Variants in NLGN4X observed in about 807,000 individuals in gnomAD.
NLGN4X encodes neuroligin 4 X-linked.
NLGN4X carries 3 observed loss-of-function variants against 40.3 expected under a neutral mutation model. The observed-to-expected ratio is 0.07, with a 90% CI of 0.03 to 0.19. The LOEUF (loss-of-function observed/expected upper bound fraction) is 0.19, where lower values mean the gene tolerates loss of function less well. Ranked by LOEUF, NLGN4X falls within the 10% of genes least tolerant of loss-of-function variation. The pLI, the probability that NLGN4X is intolerant of heterozygous loss-of-function variation, is 1.00. For missense variants in NLGN4X, 382 were observed against 708.3 expected (o/e 0.54, Z 5.23); for synonymous variants, 270 against 306.8 (o/e 0.88, Z 1.25).
At chrX:6,150,942 C>T (rs2040150447) in intron 2 of NLGN4X, 53 bp downstream of exon 2, 1 of 1,014,301 alleles carries the variant, frequency 9.9e-7, no homozygotes, top group South Asian at 1.9e-5. Context: ...CCTAGCAAAT[C>T]TCTCTACACA....
chrX:6,208,284 G>C (rs868307039), intron 1 of NLGN4X, among the ~76,000 whole-genome samples: 1 of 112,003 alleles, frequency 8.9e-6, no homozygotes, highest in African/African-American at 3.2e-5. Context: ...GCTGCATTTC[G>C]TTCTGCACTT....
At chrX:6,206,054 C>G (rs1924007777) in intron 1 of NLGN4X, among the ~76,000 whole-genome samples, 1 of 111,837 alleles carries the variant, frequency 8.9e-6, no homozygotes, top group Non-Finnish European at 1.9e-5. Flanking sequence ...ACAGGTCCAA[C>G]TCACTCATTT....
At chrX:6,228,093 A>G (rs984479101) in intron 1 of NLGN4X, among the ~76,000 whole-genome samples, 3 of 110,086 alleles carry the variant, frequency 2.7e-5, no homozygotes, top group Non-Finnish European at 3.8e-5. Flanking sequence ...GCAGATACAT[A>G]TATATTTTTT....
intron 3 of NLGN4X, among the ~76,000 whole-genome samples, chrX:5,931,065 T>C (rs1247859645): frequency 4.5e-5 from 5 of 111,888 alleles, no homozygotes; most frequent in African/African-American, 1.6e-4. Context: ...TTTGTTTTAA[T>C]ACACCACAAA....
rs752188568 is a variant in NLGN4X, at chrX:6,012,848, G to A, written c.625+16432C>T. On this transcript the variant is annotated intron_variant, in intron 3 of 5. Transcript: ENST00000381095. The stretch of plus-strand genomic sequence containing the variant: ...CAGGGAAAGGCAGCCCTGCCAACAC[G>A]TTTATTTTGAACATCTGGTTTCCCA... Among the ~76,000 whole-genome samples the A allele has an allele frequency of 5.4e-5, 6 of 111,478 alleles. No individual in the cohort carries two copies. The South Asian group carries it at 1.2e-3, about 21-fold the overall frequency.
chrX:6,076,041 C>G (rs757655578), intron 2 of NLGN4X, among the ~76,000 whole-genome samples: 1 of 111,638 alleles, frequency 9.0e-6, no homozygotes, highest in South Asian at 3.8e-4. Flanking sequence ...TTTTCCCACA[C>G]TTTATTTGTC....
chrX:6,112,832 C>T (rs914882344), intron 2 of NLGN4X, among the ~76,000 whole-genome samples: 2 of 110,238 alleles, frequency 1.8e-5, no homozygotes, highest in African/African-American at 6.6e-5. Context: ...GGAGGACGAA[C>T]GTGATACTGG....
intron 3 of NLGN4X, among the ~76,000 whole-genome samples, chrX:5,925,897 T>G (rs9699007): frequency 1.0e-4 from 2 of 19,145 alleles, no homozygotes; most frequent in African/African-American, 4.9e-4. Flanking sequence ...TATATATATA[T>G]ATATATATAT....
chrX:6,144,357 A>C (rs1440930954), intron 2 of NLGN4X, among the ~76,000 whole-genome samples: 1 of 111,388 alleles, frequency 9.0e-6, no homozygotes, highest in Non-Finnish European at 1.9e-5. Context: ...GTAATACTTC[A>C]TTATGAATTT....
At chrX:5,925,881 C>CATAT (rs55860509) in intron 3 of NLGN4X, among the ~76,000 whole-genome samples, 107 of 19,396 alleles carry the variant, frequency 5.5e-3, no homozygotes, top group East Asian at 0.029. Context: ...TACATACACA[C>CATAT]ATATATATAT....
At position 6,218,474 on chromosome X, in the gene NLGN4X, C is replaced by CTACACACA. The variant is rs1556012458; in HGVS notation, c.-306+10066_-306+10067insTGTGTGTA. 5.5e-3 allele frequency among the ~76,000 whole-genome samples: 259 copies of CTACACACA among 46,981 alleles called. 1 individual carries two copies. Among genetic ancestry groups the CTACACACA allele is most frequent in the Middle Eastern group, 0.039 (4 of 103 alleles). 40.8% of individuals were successfully genotyped at this position (46,981 alleles called of 115,157 possible). ...TGAAATAGGACATGAGAGATTAAAC[C>CTACACACA]CACACACACACACACACACACACAC... On this transcript the variant is annotated intron_variant, in intron 1 of 5. Coordinates refer to ENST00000381095, the MANE Select transcript of NLGN4X (RefSeq NM_181332.3).
intron 2 of NLGN4X, among the ~76,000 whole-genome samples, chrX:6,066,564 T>C (rs771635333): frequency 9.1e-6 from 1 of 110,326 alleles, no homozygotes; most frequent in African/African-American, 3.3e-5. Context: ...GGCAGGCGGA[T>C]CATGAGGTCA....
chrX:6,182,364 A>T (rs1452933869), intron 1 of NLGN4X, among the ~76,000 whole-genome samples: 2 of 111,457 alleles, frequency 1.8e-5, no homozygotes, highest in Admixed American at 1.9e-4. Context: ...AGCAGCCATC[A>T]GGGAGAAAAA....
At chrX:5,894,469 T>C (rs2031377602) in intron 5 of NLGN4X, among the ~76,000 whole-genome samples, 1 of 112,110 alleles carries the variant, frequency 8.9e-6, no homozygotes, top group South Asian at 3.7e-4. Context: ...GTAAGAAGTT[T>C]GCTAAAATGG....
At position 6,094,759 on chromosome X, in the gene NLGN4X, T is replaced by A. The variant is rs745698426; in HGVS notation, c.472+56236A>T. On this transcript the variant is annotated intron_variant, in intron 2 of 5. Coordinates refer to ENST00000381095, the MANE Select transcript of NLGN4X (RefSeq NM_181332.3). ...ATCTCAGAGGATCTGCTGCAGGTTATCGAATAGCCTAAGCCATTTATCAGG... is the reference window on the plus strand; with the variant it reads ...ATCTCAGAGGATCTGCTGCAGGTTAACGAATAGCCTAAGCCATTTATCAGG... Among the ~76,000 whole-genome samples the A allele has an allele frequency of 3.7e-4, 41 of 111,494 alleles. 1 individual carries two copies. The highest frequency in any genetic ancestry group is 5.5e-4 in the Non-Finnish European group (29 of 53,142).
intron 3 of NLGN4X, among the ~76,000 whole-genome samples, chrX:5,971,996 C>T (rs752059575): frequency 3.6e-5 from 4 of 111,781 alleles, no homozygotes; most frequent in Non-Finnish European, 7.5e-5. Flanking sequence ...TTGATTTGTG[C>T]TGCGAGAGCA....
At chrX:6,169,645 C>G (rs1428586027) in intron 1 of NLGN4X, among the ~76,000 whole-genome samples, 1 of 112,582 alleles carries the variant, frequency 8.9e-6, no homozygotes, top group Non-Finnish European at 1.9e-5. Flanking sequence ...AGGACGACTG[C>G]CTGGGAAATG....
chrX:6,207,528 G>A (rs918540058), intron 1 of NLGN4X, among the ~76,000 whole-genome samples: 10 of 111,836 alleles, frequency 8.9e-5, no homozygotes, highest in African/African-American at 1.3e-4. Context: ...AAACACTTAC[G>A]TTTATGAGTG....
At chrX:6,052,599 T>C (rs1307058299) in intron 2 of NLGN4X, among the ~76,000 whole-genome samples, 1 of 112,115 alleles carries the variant, frequency 8.9e-6, no homozygotes, top group Non-Finnish European at 1.9e-5. Flanking sequence ...GTGGGGGCAG[T>C]ACGCAGAGAG....
Sources: allele counts gnomAD v4.1 joint callset (sites outside exome capture counted in the v4.1 genomes callset), GRCh38; gene constraint gnomAD v4.1.1; transcripts MANE v1.5; gene names NCBI Gene and HGNC (gene_info 2026-07-23, HGNC 2026-07-21).